The following PBX3 variants were observed in gnomAD, a reference collection of about 807,000 sequenced individuals.
PBX3 encodes PBX homeobox 3.
In PBX3, 14 loss-of-function variants were observed where a neutral mutation model predicts 48.5. The ratio of observed to expected loss-of-function variants is 0.29; its 90% CI spans 0.19 to 0.45. The LOEUF (loss-of-function observed/expected upper bound fraction) is 0.45. PBX3 is among the 20% of genes least tolerant of loss of function. PBX3 has a pLI of 1.00. For synonymous variants in PBX3, 210 were observed against 200.3 expected (o/e 1.05, Z -0.41); for missense variants, 386 against 546.7 (o/e 0.71, Z 2.93).
At chr9:125,949,664 C>T (rs1346485519) in intron 5 of PBX3, among the ~76,000 whole-genome samples, 1 of 152,124 alleles carries the variant, frequency 6.6e-6, no homozygotes, top group Non-Finnish European at 1.5e-5. Context: ...TGAAAGTTTT[C>T]TGGATTTTTG....
At chr9:125,945,311 G>A (rs1842043488) in intron 5 of PBX3, among the ~76,000 whole-genome samples, 2 of 152,080 alleles carry the variant, frequency 1.3e-5, no homozygotes, top group African/African-American at 2.4e-5. Context: ...CTAGCAGAGT[G>A]CCTATCACAG....
intron 2 of PBX3, among the ~76,000 whole-genome samples, chr9:125,823,098 T>A (rs1027644842): frequency 6.6e-6 from 1 of 152,190 alleles, no homozygotes; most frequent in Non-Finnish European, 1.5e-5. Flanking sequence ...ATGTGTAAGT[T>A]TGTGGTATGG....
chr9:125,834,998 C>T (rs896265806), intron 2 of PBX3, among the ~76,000 whole-genome samples: 35 of 101,704 alleles, frequency 3.4e-4, no homozygotes, highest in Non-Finnish European at 5.4e-5. Context: ...GCCTCGGTGA[C>T]GAGCAAAACT....
At chr9:125,896,500 A>G (rs1185810653) in intron 2 of PBX3, among the ~76,000 whole-genome samples, 1 of 152,072 alleles carries the variant, frequency 6.6e-6, no homozygotes, top group East Asian at 1.9e-4. Flanking sequence ...ATATTGTGAT[A>G]ATGTGATAGG....
At chr9:125,911,071 T>A (rs1395644143) in intron 2 of PBX3, among the ~76,000 whole-genome samples, 1 of 152,074 alleles carries the variant, frequency 6.6e-6, no homozygotes, top group Non-Finnish European at 1.5e-5. Flanking sequence ...CAACCCCAAA[T>A]ACTTTAGTTT....
At chr9:125,924,907 A>T (rs1237903115) in intron 3 of PBX3, among the ~76,000 whole-genome samples, 1 of 152,142 alleles carries the variant, frequency 6.6e-6, no homozygotes, top group Non-Finnish European at 1.5e-5. Context: ...CAAATACCCA[A>T]CTCCATATAA....
intron 2 of PBX3, among the ~76,000 whole-genome samples, chr9:125,769,211 T>C (rs1179511047): frequency 6.6e-6 from 1 of 152,242 alleles, no homozygotes; most frequent in African/African-American, 2.4e-5. Flanking sequence ...ATTGTTAGTA[T>C]AGTGTGGTGC....
In PBX3 at chr9:125,845,476, T is replaced by C. The variant is rs1237934817; in HGVS notation, c.275-70210T>C. On this transcript the variant is annotated intron_variant, in intron 2 of 8. Coordinates refer to ENST00000373489, the MANE Select transcript of PBX3 (RefSeq NM_006195.6). Reference sequence around the variant, plus strand: ...TAGAAAAATCAATGATGCAATCTTTTTCCTTTTGCCTCGTGCAATCCGTAA... The same window carrying C: ...TAGAAAAATCAATGATGCAATCTTTCTCCTTTTGCCTCGTGCAATCCGTAA... 7.2e-5 allele frequency among the ~76,000 whole-genome samples: 11 copies of C among 152,118 alleles called. 1 individual carries two copies. The highest frequency in any genetic ancestry group is 7.2e-4 in the Admixed American group (11 of 15,238).
intron 3 of PBX3, among the ~76,000 whole-genome samples, chr9:125,918,803 A>G (rs905982187): frequency 1.3e-5 from 2 of 152,286 alleles, no homozygotes; most frequent in Admixed American, 1.3e-4. Flanking sequence ...CTCCAAAGTT[A>G]TTAGGATCGG....
intron 2 of PBX3, among the ~76,000 whole-genome samples, chr9:125,838,825 A>G (rs1839210913): frequency 6.6e-6 from 1 of 152,224 alleles, no homozygotes; most frequent in African/African-American, 2.4e-5. Flanking sequence ...GTATGGCACT[A>G]ATCTGGGAAG....
chr9:125,895,978 A>G (rs1199587380), intron 2 of PBX3, among the ~76,000 whole-genome samples: 1 of 152,048 alleles, frequency 6.6e-6, no homozygotes, highest in Non-Finnish European at 1.5e-5. Context: ...AAATCACACT[A>G]CTTAGATTTT....
chr9:125,862,553 A>G (rs1839886050), intron 2 of PBX3, among the ~76,000 whole-genome samples: 1 of 151,866 alleles, frequency 6.6e-6, no homozygotes, highest in African/African-American at 2.4e-5. Flanking sequence ...CACCCAGCTA[A>G]TTTTTGTATT....
Position 125,800,324 on chromosome 9 carries a change from A to G in PBX3, c.274+51701A>G, listed in dbSNP as rs1353566043. ...TGTCTCAAATTGCTCATGGAATGAA[A>G]TAGGGTATAAATAATTATTTAGAGT... is the stretch of plus-strand genomic sequence containing the variant. On this transcript the variant is annotated intron_variant, in intron 2 of 8. Transcript: ENST00000373489. 8.5e-5 allele frequency among the ~76,000 whole-genome samples: 13 copies of G among 152,220 alleles called. No individual in the cohort carries two copies. The East Asian group carries it at 2.5e-3, about 29-fold the overall frequency.
intron 2 of PBX3, among the ~76,000 whole-genome samples, chr9:125,817,589 G>A (rs892444573): frequency 1.3e-5 from 2 of 152,102 alleles, no homozygotes; most frequent in South Asian, 2.1e-4. Flanking sequence ...CTTTGATAAC[G>A]GTGCATTCTA....
intron 2 of PBX3, among the ~76,000 whole-genome samples, chr9:125,899,349 AT>A (rs1231395296): frequency 2.0e-5 from 2 of 98,210 alleles, no homozygotes; most frequent in South Asian, 2.7e-4. Context: ...ATATGTATAT[AT>A]TTTTATATAA....
chr9:125,910,010 A>T (rs1479071814), intron 2 of PBX3, among the ~76,000 whole-genome samples: 2 of 152,206 alleles, frequency 1.3e-5, no homozygotes. Context: ...TAATAAAGCG[A>T]TGGATTGACA....
intron 2 of PBX3, among the ~76,000 whole-genome samples, chr9:125,858,672 C>G (rs1217783690): frequency 7.1e-6 from 1 of 140,608 alleles, no homozygotes; most frequent in African/African-American, 2.7e-5. Flanking sequence ...GTTGCCCAGG[C>G]TGGAGTGCAA....
intron 2 of PBX3, among the ~76,000 whole-genome samples, chr9:125,781,936 C>T (rs964864462): frequency 7.9e-5 from 12 of 151,964 alleles, no homozygotes; most frequent in Non-Finnish European, 1.8e-4. Context: ...CCCTCCATTA[C>T]CTTCTTTTGT....
At chr9:125,762,031 A>G (rs1404707297) in intron 2 of PBX3, among the ~76,000 whole-genome samples, 2 of 152,202 alleles carry the variant, frequency 1.3e-5, no homozygotes, top group African/African-American at 4.8e-5. Flanking sequence ...TGATTACAGT[A>G]TTTTTGCAGG....
Sources: allele counts gnomAD v4.1 joint callset (sites outside exome capture counted in the v4.1 genomes callset), GRCh38; gene constraint gnomAD v4.1.1; transcripts MANE v1.5; gene names NCBI Gene and HGNC (gene_info 2026-07-23, HGNC 2026-07-21).